Variants in UBL3 observed in about 807,000 individuals in gnomAD.
UBL3 encodes ubiquitin-like protein 3.
Under a neutral mutation model 18.4 loss-of-function variants are expected in UBL3, and 6 were observed. The ratio of observed to expected loss-of-function variants is 0.33; its 90% CI spans 0.18 to 0.64. The LOEUF (loss-of-function observed/expected upper bound fraction) is 0.64. Ranked by LOEUF, UBL3 falls within the 30% of genes least tolerant of loss-of-function variation. The pLI, the probability that UBL3 is intolerant of heterozygous loss-of-function variation, is 0.76. For missense variants in UBL3, 109 were observed against 142.9 expected, an observed-to-expected ratio of 0.76 and a Z score of 1.21; for synonymous variants, 49 against 46.6, an observed-to-expected ratio of 1.05 and a Z score of -0.21.
chr13:29,773,551 A>G (rs927502743), intron 2 of UBL3, among the ~76,000 whole-genome samples: 1 of 152,208 alleles, frequency 6.6e-6, no homozygotes, highest in Non-Finnish European at 1.5e-5. Context: ...AATTCACAGG[A>G]AACAAAGACT....
intron 1 of UBL3, among the ~76,000 whole-genome samples, chr13:29,822,422 T>C (rs1878482600): frequency 6.6e-6 from 1 of 152,198 alleles, no homozygotes; most frequent in Admixed American, 6.5e-5. Context: ...ATCCCACAAA[T>C]CTCAAATATA....
At chr13:29,841,100 A>C (rs1879089638) in intron 1 of UBL3, among the ~76,000 whole-genome samples, 1 of 152,188 alleles carries the variant, frequency 6.6e-6, no homozygotes, top group Non-Finnish European at 1.5e-5. Context: ...GACACAATAA[A>C]TTGCCATCTT....
chr13:29,839,732 C>A (rs536844018), intron 1 of UBL3, among the ~76,000 whole-genome samples: 127 of 152,156 alleles, frequency 8.3e-4, no homozygotes, highest in African/African-American at 2.9e-3. Flanking sequence ...TTGAGACCAC[C>A]CTGGCTAACA....
Position 29,765,388 on chromosome 13 carries a change from A to T in UBL3, c.*1867T>A, listed in dbSNP as rs1333466450. On this transcript the variant is annotated 3_prime_UTR_variant, in exon 5 of 5. Transcript: ENST00000380680. ...ATATTTAACATCTCTTGAAGATAAC[A>T]TTTTAGTGATAACGGAGACTACATA... The T allele has an allele frequency of 6.6e-6, 1 of 152,180 alleles. No individual in the cohort carries two copies. The highest frequency in any genetic ancestry group is 1.5e-5 in the Non-Finnish European group (1 of 67,984). The allele number at this position is 152,180 out of a possible 1,614,324, so 9.4% of individuals were successfully genotyped here.
At chr13:29,805,992 A>G (rs118099825) in intron 1 of UBL3, among the ~76,000 whole-genome samples, 156 of 152,314 alleles carry the variant, frequency 1.0e-3, no homozygotes, top group Non-Finnish European at 2.0e-3. Context: ...CCTGGCCAAC[A>G]CAGTAAAACT....
At chr13:29,794,135 T>C (rs901043920) in intron 1 of UBL3, among the ~76,000 whole-genome samples, 16 of 152,272 alleles carry the variant, frequency 1.1e-4, no homozygotes, top group African/African-American at 3.6e-4. Flanking sequence ...TGTGAGCCAC[T>C]GCACCTGGCC....
intron 2 of UBL3, among the ~76,000 whole-genome samples, chr13:29,774,236 A>G (rs17073865): frequency 0.02 from 3,004 of 152,244 alleles, 102 homozygotes; most frequent in African/African-American, 0.067. Flanking sequence ...TTGAATTTAA[A>G]CTAATTTTAA....
At chr13:29,835,546 A>C (rs978521271) in intron 1 of UBL3, among the ~76,000 whole-genome samples, 1 of 151,694 alleles carries the variant, frequency 6.6e-6, no homozygotes, top group Non-Finnish European at 1.5e-5. Flanking sequence ...CATGAGGTCA[A>C]GAAATCAAGA....
intron 1 of UBL3, among the ~76,000 whole-genome samples, chr13:29,846,216 T>G (rs1879225205): frequency 1.3e-5 from 2 of 152,150 alleles, no homozygotes. Flanking sequence ...AATGATATTC[T>G]GTTGAGATAT....
intron 1 of UBL3, among the ~76,000 whole-genome samples, chr13:29,809,488 A>ATTTAAATAT (rs1311736922): frequency 6.6e-6 from 1 of 152,164 alleles, no homozygotes; most frequent in Non-Finnish European, 1.5e-5. Flanking sequence ...CTGGGAAGGA[A>ATTTAAATAT]TTTAAATATT....
intron 2 of UBL3, among the ~76,000 whole-genome samples, chr13:29,773,014 A>G (rs760829613): frequency 3.4e-4 from 51 of 152,208 alleles, no homozygotes; most frequent in Non-Finnish European, 5.7e-4. Flanking sequence ...ATGAGCTTGC[A>G]GATGTAACAA....
intron 1 of UBL3, among the ~76,000 whole-genome samples, chr13:29,825,465 T>C (rs547738149): frequency 3.0e-4 from 45 of 152,320 alleles, no homozygotes; most frequent in Admixed American, 2.6e-4. Flanking sequence ...TTTGAAGCAA[T>C]TGTGAATGGG....
intron 1 of UBL3, among the ~76,000 whole-genome samples, chr13:29,844,260 T>C (rs1245942578): frequency 1.3e-5 from 2 of 152,186 alleles, no homozygotes; most frequent in South Asian, 2.1e-4. Flanking sequence ...GCTCAATTCT[T>C]TTCCCTTTTG....
intron 1 of UBL3, 83 bp downstream of exon 1, chr13:29,849,429 T>G (rs1451129801): frequency 1.9e-6 from 3 of 1,596,818 alleles, no homozygotes; most frequent in African/African-American, 1.3e-5. Context: ...CCAGCAAATC[T>G]TCGCCCCACG....
At chr13:29,794,490 A>G (rs1304064855) in intron 1 of UBL3, among the ~76,000 whole-genome samples, 2 of 152,226 alleles carry the variant, frequency 1.3e-5, no homozygotes, top group Non-Finnish European at 2.9e-5. Flanking sequence ...TGATCCTAGA[A>G]GTTAGAAGAA....
intron 1 of UBL3, among the ~76,000 whole-genome samples, chr13:29,830,154 T>C (rs1178083372): frequency 1.3e-5 from 2 of 152,230 alleles, no homozygotes; most frequent in Non-Finnish European, 2.9e-5. Flanking sequence ...GCTATCCCTT[T>C]TGTCCATCCT....
At chr13:29,774,408 A>C (rs1356550048) in intron 2 of UBL3, among the ~76,000 whole-genome samples, 2 of 152,038 alleles carry the variant, frequency 1.3e-5, no homozygotes, top group South Asian at 4.1e-4. Context: ...GCTCCCCCCA[A>C]AAAAAATCTC....
intron 1 of UBL3, among the ~76,000 whole-genome samples, chr13:29,817,776 CA>C (rs1878322990): frequency 6.6e-6 from 1 of 152,084 alleles, no homozygotes; most frequent in African/African-American, 2.4e-5. Flanking sequence ...ATTCTAATCC[CA>C]AACTGGGTCA....
chr13:29,782,678 T>C (rs1877209011), intron 1 of UBL3, among the ~76,000 whole-genome samples: 1 of 152,066 alleles, frequency 6.6e-6, no homozygotes, highest in African/African-American at 2.4e-5. Flanking sequence ...AAGTATAAAA[T>C]GAGAACAAAA....
Sources: allele counts gnomAD v4.1 joint callset (sites outside exome capture counted in the v4.1 genomes callset), GRCh38; gene constraint gnomAD v4.1.1; transcripts MANE v1.5; gene names NCBI Gene and HGNC (gene_info 2026-07-23, HGNC 2026-07-21).